Variants in NRG1 observed in about 807,000 individuals in gnomAD.
NRG1 encodes pro-neuregulin-1, membrane-bound isoform.
A neutral mutation model predicts 63.8 loss-of-function variants in NRG1; 18 were observed. That is an observed-to-expected ratio of 0.28 (90% confidence interval 0.19 to 0.42). The LOEUF is 0.42. Ranked by LOEUF, NRG1 falls within the 10% of genes least tolerant of loss-of-function variation. The pLI is 1.00. For missense variants in NRG1, 762 were observed against 814.7 expected (o/e 0.94, Z 0.79); for synonymous variants, 302 against 301.3 (o/e 1.00, Z -0.02).
intron 5 of NRG1, among the ~76,000 whole-genome samples, chr8:32,691,917 A>G (rs1172246579): frequency 2.6e-5 from 4 of 152,214 alleles, no homozygotes; most frequent in African/African-American, 7.2e-5. Flanking sequence ...CCCTAAAGAA[A>G]GGTGATACTG....
At chr8:31,702,385 G>A (rs1810713719) in intron 1 of NRG1, among the ~76,000 whole-genome samples, 1 of 152,042 alleles carries the variant, frequency 6.6e-6, no homozygotes, top group East Asian at 1.9e-4. Flanking sequence ...ACCTTTATGT[G>A]GCAATTGGGT....
chr8:32,104,991 C>T (rs1258325260), intron 1 of NRG1, among the ~76,000 whole-genome samples: 1 of 151,744 alleles, frequency 6.6e-6, no homozygotes, highest in Non-Finnish European at 1.5e-5. Flanking sequence ...AATACATAAG[C>T]GAATAACAGT....
intron 1 of NRG1, among the ~76,000 whole-genome samples, chr8:32,036,710 A>G (rs780144301): frequency 1.3e-5 from 2 of 151,252 alleles, no homozygotes; most frequent in African/African-American, 2.4e-5. Context: ...CTTTTTTTCC[A>G]CTTGGTCTAT....
At chr8:32,179,179 C>G (rs1841144932) in intron 1 of NRG1, among the ~76,000 whole-genome samples, 1 of 113,470 alleles carries the variant, frequency 8.8e-6, no homozygotes, top group African/African-American at 3.4e-5. Context: ...CCCAACGTCT[C>G]ACAGTCATAA....
chr8:31,793,153 T>G (rs7820923), intron 1 of NRG1, among the ~76,000 whole-genome samples: 30,667 of 152,186 alleles, frequency 0.2, 3,541 homozygotes, highest in Middle Eastern at 0.25. Context: ...ACTCAAGGTC[T>G]GTTTTTTCAA....
chr8:31,909,344 G>A (rs1832762466), intron 1 of NRG1, among the ~76,000 whole-genome samples: 1 of 152,046 alleles, frequency 6.6e-6, no homozygotes, highest in African/African-American at 2.4e-5. Context: ...AAGACACTGA[G>A]CATCAGGGAC....
chr8:32,005,361 C>G (rs1186780144), intron 1 of NRG1, among the ~76,000 whole-genome samples: 1 of 151,882 alleles, frequency 6.6e-6, no homozygotes, highest in East Asian at 1.9e-4. Flanking sequence ...ATTCCCTGGT[C>G]TATTTTGTGA....
chr8:32,720,162 T>C (rs1820264436), intron 5 of NRG1, among the ~76,000 whole-genome samples: 1 of 152,196 alleles, frequency 6.6e-6, no homozygotes, highest in South Asian at 2.1e-4. Flanking sequence ...TTCAGTAGCT[T>C]GTTGAATAAC....
intron 1 of NRG1, among the ~76,000 whole-genome samples, chr8:32,179,668 G>A (rs112976986): frequency 6.6e-6 from 1 of 152,100 alleles, no homozygotes; most frequent in Non-Finnish European, 1.5e-5. Flanking sequence ...AGTTCCAGCT[G>A]AACAGTCTAT....
intron 1 of NRG1, among the ~76,000 whole-genome samples, chr8:31,978,321 AT>A (rs1808525599): frequency 1.3e-5 from 2 of 152,134 alleles, no homozygotes; most frequent in South Asian, 4.1e-4. Context: ...TCATGAAGTC[AT>A]AAAGTCAGGC....
chr8:31,770,855 G>A (rs75042497), intron 1 of NRG1, among the ~76,000 whole-genome samples: 501 of 151,100 alleles, frequency 3.3e-3, no homozygotes, highest in African/African-American at 0.011. Context: ...TAGGCATTGC[G>A]ATAATGCTAC....
chr8:32,544,942 G>C (rs183969760), upstream of NRG1, among the ~76,000 whole-genome samples: 1 of 120,926 alleles, frequency 8.3e-6, no homozygotes, highest in East Asian at 3.2e-4. Context: ...CTTCATTAAT[G>C]TCAACTTTGT....
At chr8:31,872,275 C>A (rs1829553574) in intron 1 of NRG1, among the ~76,000 whole-genome samples, 1 of 152,174 alleles carries the variant, frequency 6.6e-6, no homozygotes, top group African/African-American at 2.4e-5. Flanking sequence ...TAAGAGGGGA[C>A]TCTTTCTGAC....
chr8:32,094,800 T>G (rs1220090823), intron 1 of NRG1, among the ~76,000 whole-genome samples: 3 of 150,944 alleles, frequency 2.0e-5, no homozygotes, highest in Admixed American at 6.6e-5. Flanking sequence ...TATTTTTTAA[T>G]AAATCGTTTC....
intron 1 of NRG1, among the ~76,000 whole-genome samples, chr8:32,176,349 T>C (rs80290688): frequency 0.056 from 8,551 of 152,244 alleles, 399 homozygotes; most frequent in East Asian, 0.26. Flanking sequence ...AAGACTTAAA[T>C]GTTAGACCTG....
intron 1 of NRG1, among the ~76,000 whole-genome samples, chr8:32,459,603 T>TAA (rs1322128327): frequency 2.1e-5 from 3 of 141,820 alleles, no homozygotes; most frequent in South Asian, 2.3e-4. Context: ...CATTTCTAAT[T>TAA]AAAAAAAAAA....
intron 5 of NRG1, among the ~76,000 whole-genome samples, chr8:32,661,465 T>C (rs910944565): frequency 6.6e-6 from 1 of 152,184 alleles, no homozygotes; most frequent in African/African-American, 2.4e-5. Flanking sequence ...ATTAACATTT[T>C]AAAAACAGAG....
chr8:32,362,460 G>A (rs1232983306), intron 1 of NRG1, among the ~76,000 whole-genome samples: 1 of 152,182 alleles, frequency 6.6e-6, no homozygotes, highest in Non-Finnish European at 1.5e-5. Flanking sequence ...TTTTTCTAAG[G>A]CTTTGGGCAT....
chr8:32,204,308 C>CT (rs2132320176), intron 1 of NRG1, among the ~76,000 whole-genome samples: 1 of 152,236 alleles, frequency 6.6e-6, no homozygotes, highest in East Asian at 1.9e-4. Context: ...GATCTGACTT[C>CT]TTTTTTAACA....
Sources: allele counts gnomAD v4.1 joint callset (sites outside exome capture counted in the v4.1 genomes callset), GRCh38; gene constraint gnomAD v4.1.1; transcripts MANE v1.5; gene names NCBI Gene and HGNC (gene_info 2026-07-23, HGNC 2026-07-21).